ULK4: variants seen among roughly 807,000 people sequenced by gnomAD.
ULK4 encodes the protein unc-51 like kinase 4, also known as inactive serine/threonine-protein kinase ULK4.
Under a neutral mutation model 160.6 loss-of-function variants are expected in ULK4, and 133 were observed. The observed-to-expected ratio is 0.83, with a 90% CI of 0.72 to 0.96. The LOEUF is 0.96. Ranked by LOEUF, ULK4 falls within the 40% of genes least tolerant of loss-of-function variation. The pLI is 0.00. For synonymous variants in ULK4, 534 were observed against 539.8 expected, an observed-to-expected ratio of 0.99 and a Z score of 0.15; for missense variants, 1,580 against 1,499.5, an observed-to-expected ratio of 1.05 and a Z score of -0.89.
chr3:41,653,136 A>C (rs1281298509), intron 30 of ULK4, among the ~76,000 whole-genome samples: 1 of 152,164 alleles, frequency 6.6e-6, no homozygotes, highest in East Asian at 1.9e-4. Context: ...AATGCAAACT[A>C]ACCAATCCTT....
intron 21 of ULK4, among the ~76,000 whole-genome samples, chr3:41,773,308 A>C (rs559090031): frequency 6.6e-6 from 1 of 152,210 alleles, no homozygotes; most frequent in Non-Finnish European, 1.5e-5. Flanking sequence ...ACTTGACTGT[A>C]TATCTAGAAA....
chr3:41,449,366 AC>A (rs1253311498), intron 34 of ULK4, among the ~76,000 whole-genome samples: 5 of 152,064 alleles, frequency 3.3e-5, no homozygotes, highest in Non-Finnish European at 7.4e-5. Context: ...GTTTGTTTTA[AC>A]CCTGTTGAAT....
intron 35 of ULK4, among the ~76,000 whole-genome samples, chr3:41,339,354 A>G (rs939210626): frequency 2.0e-5 from 3 of 152,088 alleles, no homozygotes; most frequent in Non-Finnish European, 2.9e-5. Context: ...CCCCTTGCCA[A>G]TGACTGACTG....
chr3:41,900,208 C>T (rs1482616931), intron 13 of ULK4, among the ~76,000 whole-genome samples: 2 of 150,902 alleles, frequency 1.3e-5, no homozygotes, highest in African/African-American at 5.0e-5. Context: ...ACTACAACTT[C>T]GCAAGCTCCC....
Position 41,739,996 on chromosome 3 carries a change from G to C in ULK4, c.2321+14365C>G, listed in dbSNP as rs1426581120. 4.6e-5 allele frequency among the ~76,000 whole-genome samples: 7 copies of C among 151,616 alleles called. No individual in the cohort carries two copies. In the East Asian group the frequency reaches 1.3e-3, roughly 29 times the overall value. On this transcript the variant is annotated intron_variant, in intron 22 of 36. Transcript: ENST00000301831. ...ATACAAATTTTATTTATGATTTTTG[G>C]AAGATATAAAATTTTCTAATTTATA...
At chr3:41,773,760 C>A (rs1452220565) in intron 21 of ULK4, among the ~76,000 whole-genome samples, 2 of 152,152 alleles carry the variant, frequency 1.3e-5, no homozygotes, top group African/African-American at 4.8e-5. Context: ...GCCGGCATTG[C>A]CAAGTCAATC....
At chr3:41,320,812 G>A (rs929437601) in intron 35 of ULK4, among the ~76,000 whole-genome samples, 2 of 152,182 alleles carry the variant, frequency 1.3e-5, no homozygotes, top group Admixed American at 6.5e-5. Flanking sequence ...AGCTACTCAG[G>A]AGGCTGAGGC....
Position 41,861,524 on chromosome 3 carries a change from G to A in ULK4, c.1656+22350C>T, listed in dbSNP as rs369450400. Among the ~76,000 whole-genome samples, 246 of 152,224 alleles carry A rather than the reference G, an allele frequency of 1.6e-3. 1 individual carries two copies. The highest frequency in any genetic ancestry group is 5.8e-3 in the African/African-American group (242 of 41,544). On this transcript the variant is annotated intron_variant, in intron 17 of 36. Coordinates refer to ENST00000301831, the MANE Select transcript of ULK4 (RefSeq NM_017886.4). ...AAAGTGTGCTGCCAGATGTACTGGA[G>A]CTCCATTTTATGTTATTTCTTTCTT...
intron 34 of ULK4, among the ~76,000 whole-genome samples, chr3:41,433,891 T>C (rs899764050): frequency 6.6e-6 from 1 of 152,082 alleles, no homozygotes; most frequent in East Asian, 1.9e-4. Context: ...GGCTAATTTT[T>C]TGTATTTTGT....
chr3:41,565,970 A>G (rs1575423528), intron 32 of ULK4, 55 bp downstream of exon 32: 1 of 1,376,216 alleles, frequency 7.3e-7, no homozygotes, highest in East Asian at 2.3e-5. Flanking sequence ...GCTATATAAG[A>G]TGAAGAAATG....
In ULK4 at chr3:41,781,286, G is replaced by A. The variant is rs997098552; in HGVS notation, c.2193+8375C>T. Among the ~76,000 whole-genome samples the A allele has an allele frequency of 3.8e-4, 57 of 151,888 alleles. 1 individual carries two copies. Among genetic ancestry groups the A allele is most frequent in the South Asian group, 1.0e-3 (5 of 4,812 alleles). Reference sequence around the variant, plus strand: ...CAAAAAATTAGCCGGGCATGGTGGCGGGTGCCTGTAGTCCCAGCTACTCAG... The same window carrying A: ...CAAAAAATTAGCCGGGCATGGTGGCAGGTGCCTGTAGTCCCAGCTACTCAG... On this transcript the variant is annotated intron_variant, in intron 21 of 36. Coordinates refer to ENST00000301831, the MANE Select transcript of ULK4 (RefSeq NM_017886.4).
At chr3:41,299,800 A>G (rs116129778) in intron 35 of ULK4, among the ~76,000 whole-genome samples, 155 of 152,334 alleles carry the variant, frequency 1.0e-3, no homozygotes, top group African/African-American at 3.6e-3. Context: ...ATAATCACTA[A>G]TAGCTACAAA....
rs71075479 is a variant in ULK4, at chr3:41,590,461, CAAAAAAAA to C, written c.3121-24339_3121-24332del. On this transcript the variant is annotated intron_variant, in intron 31 of 36. Transcript: ENST00000301831. ...TAAAACCCCGTCTCTACTAAAAATA[CAAAAAAAA>C]AAAAAAAAAAAAAAAAATTAGCCGG... Among the ~76,000 whole-genome samples the C allele has an allele frequency of 5.2e-3, 294 of 56,900 alleles. 1 individual carries two copies. Among genetic ancestry groups the C allele is most frequent in the African/African-American group, 0.018 (258 of 14,584 alleles). The allele number at this position is 56,900 out of a possible 152,430, so 37.3% of individuals were successfully genotyped here.
At chr3:41,674,577 A>G (rs1264593253) in intron 29 of ULK4, among the ~76,000 whole-genome samples, 2 of 152,320 alleles carry the variant, frequency 1.3e-5, no homozygotes, top group African/African-American at 2.4e-5. Flanking sequence ...AAGGAGGAAA[A>G]CTGAAAGGAG....
intron 35 of ULK4, among the ~76,000 whole-genome samples, chr3:41,289,429 G>A (rs2079517850): frequency 6.6e-6 from 1 of 152,202 alleles, no homozygotes; most frequent in African/African-American, 2.4e-5. Context: ...TGACAATGAT[G>A]ATGAATACTG....
intron 31 of ULK4, among the ~76,000 whole-genome samples, chr3:41,610,351 T>A (rs77771472): frequency 0.01 from 1,533 of 152,266 alleles, 18 homozygotes; most frequent in Non-Finnish European, 0.016. Context: ...ATTATAGAAA[T>A]TTTCACCCAT....
intron 35 of ULK4, among the ~76,000 whole-genome samples, chr3:41,381,710 T>G (rs571070918): frequency 5.1e-4 from 78 of 152,290 alleles, no homozygotes; most frequent in African/African-American, 1.9e-3. Context: ...CATGTATCTC[T>G]TATCCTTCAC....
intron 17 of ULK4, among the ~76,000 whole-genome samples, chr3:41,837,041 C>T (rs1012811470): frequency 6.6e-6 from 1 of 152,124 alleles, no homozygotes; most frequent in African/African-American, 2.4e-5. Flanking sequence ...TTGACAAAGA[C>T]GTTAGTTTAA....
intron 17 of ULK4, among the ~76,000 whole-genome samples, chr3:41,845,986 C>A (rs956174179): frequency 1.3e-5 from 2 of 152,172 alleles, no homozygotes; most frequent in Non-Finnish European, 1.5e-5. Context: ...CAGCAAGCGT[C>A]ACTGGAAATT....
Sources: gnomAD v4.1 joint callset for allele counts (sites outside exome capture counted in the v4.1 genomes callset) on GRCh38, gnomAD v4.1.1 for gene constraint, MANE v1.5 for transcripts, NCBI Gene and HGNC (gene_info 2026-07-23, HGNC 2026-07-21) for gene names.